FANCE: variants seen among roughly 807,000 people sequenced by gnomAD.
FANCE encodes FA complementation group E.
A neutral mutation model predicts 57.8 loss-of-function variants in FANCE; 42 were observed. The observed-to-expected ratio is 0.73, with a 90% CI of 0.57 to 0.94. The LOEUF is 0.94. FANCE is among the 40% of genes least tolerant of loss of function. The pLI is 0.00. For synonymous variants in FANCE, 251 were observed against 286.4 expected, an observed-to-expected ratio of 0.88 and a Z score of 1.25; for missense variants, 608 against 661.8, an observed-to-expected ratio of 0.92 and a Z score of 0.89.
rs1036490024 is a variant in FANCE at position 35,456,244 on chromosome 6, C to T, written c.746C>T (p.Ser249Phe). The change falls in exon 2 of 10, where the codon TCT becomes TTT. Residue 249 changes from serine to phenylalanine, a missense_variant. By Grantham distance (155) the Ser-to-Phe change is radical. Coordinates refer to ENST00000229769, the MANE Select transcript of FANCE (RefSeq NM_021922.3). The surrounding 1 kb of genome is among the most constrained non-coding windows in gnomAD (Gnocchi z 4.3). ...TCCCTGGCAGATGGAGGAAGTGCATCTCCTATTAAGGACCAGCCTGTCATG... is the reference window on the plus strand; with the variant it reads ...TCCCTGGCAGATGGAGGAAGTGCATTTCCTATTAAGGACCAGCCTGTCATG... ...LESLADGGSA[S>F]PIKDQPVMAV... The T allele has an allele frequency of 3.1e-6, 5 of 1,614,082 alleles. No homozygotes were observed. The highest frequency in any genetic ancestry group is 4.2e-6 in the Non-Finnish European group (5 of 1,180,046).
In FANCE at chr6:35,459,337, T is replaced by C. The variant is rs113175592; in HGVS notation, c.1120T>C (p.Ser374Pro). The C allele has an allele frequency of 6.2e-7, 1 of 1,614,116 alleles. No homozygotes were observed. ...TCCTCCCTGTTGGCTGTAGATCCTC[T>C]CCTTGACTTCCTCAGCCTCCCGCCT... The part of the protein sequence containing the change: ...TRSLFLGRIL[S>P]LTSSASRLLT... Residue 374 changes from serine (S) to proline (P), a missense_variant, in exon 6 of 10, where the codon TCC becomes CCC. Coordinates refer to ENST00000229769, the MANE Select transcript of FANCE (RefSeq NM_021922.3).
At chr6:35,465,891 A>G (rs1173686540) in intron 9 of FANCE, among the ~76,000 whole-genome samples, 1 of 152,208 alleles carries the variant, frequency 6.6e-6, no homozygotes, top group Non-Finnish European at 1.5e-5. Flanking sequence ...TGTGAACCTC[A>G]GTTTTCTCCT....
intron 1 of FANCE, 61 bp downstream of exon 1, chr6:35,452,854 A>G (rs1366698961): frequency 7.1e-6 from 9 of 1,262,564 alleles, no homozygotes; most frequent in South Asian, 2.7e-5. Context: ...CGGGGGAACG[A>G]CACACACAGA....
At chr6:35,460,035 T>G (rs1203681098) in intron 7 of FANCE, among the ~76,000 whole-genome samples, 4 of 150,682 alleles carry the variant, frequency 2.7e-5, no homozygotes, top group Admixed American at 6.7e-5. Flanking sequence ...GTGACCTCCC[T>G]GGCAGTTGTA....
Position 35,459,736 on chromosome 6 carries a change from CA to C in FANCE, c.1293del (p.Asp432MetfsTer5). On this transcript the variant is annotated frameshift_variant, in exon 7 of 10. Transcript: ENST00000229769. LOFTEE classifies it high-confidence loss of function. ...CCLVKMESLE[P>X]DAQVLMLGQI... ...CTTGTGAAGATGGAGTCCCTGGAGC[CA>C]GATGCACAGGTTCTAATGCTGGGGT... 6.2e-7 allele frequency: 1 copy of C among 1,614,192 alleles called. No individual in the cohort carries two copies. Among genetic ancestry groups the C allele is most frequent in the Non-Finnish European group, 8.5e-7 (1 of 1,180,036 alleles).
At position 35,459,441 on chromosome 6, in the gene FANCE, G is replaced by A. The variant is rs2150896674; in HGVS notation, c.1224G>A (p.Gln408=). Residue 408 remains glutamine, a synonymous_variant, in exon 6 of 10, where the codon CAG becomes CAA. Transcript: ENST00000229769. The part of the protein sequence containing the change: ...VCSALLDPVL[Q]APGTGPAQTE... ...GCGCCCTCCTTGACCCTGTGCTCCA[G>A]GCCCCAGGCACAGGTAATTCTGGAA... 6.2e-7 allele frequency: 1 copy of A among 1,614,038 alleles called. No individual in the cohort carries two copies. Among genetic ancestry groups the A allele is most frequent in the Non-Finnish European group, 8.5e-7 (1 of 1,180,018 alleles).
intron 5 of FANCE, 71 bp downstream of exon 5, chr6:35,458,511 G>C (rs1336826622): frequency 7.0e-6 from 11 of 1,571,388 alleles, no homozygotes; most frequent in Middle Eastern, 1.7e-4. Context: ...CAGAAGGGTG[G>C]TACTTGAGAG....
At chr6:35,465,026 G>A (rs538987315) in intron 9 of FANCE, among the ~76,000 whole-genome samples, 217 of 152,138 alleles carry the variant, frequency 1.4e-3, no homozygotes, top group African/African-American at 5.0e-3. Flanking sequence ...GAGCCACCGC[G>A]CCTGGCCTGA....
At chr6:35,458,228 C>T (rs1581702524) in intron 4 of FANCE, 69 bp from the exon 5 acceptor site, 50 of 1,591,596 alleles carry the variant, frequency 3.1e-5, no homozygotes, top group Admixed American at 6.7e-5. Context: ...TGTCCAGTTG[C>T]TTGAGACAGC....
chr6:35,454,264 A>C (rs1581697928), intron 1 of FANCE, among the ~76,000 whole-genome samples: 1 of 151,778 alleles, frequency 6.6e-6, no homozygotes, highest in African/African-American at 2.4e-5. Context: ...GTTTCACCAT[A>C]TTGGCTGGGC....
chr6:35,455,743 C>A lies in FANCE; in HGVS notation c.249-4C>A, dbSNP rs2150889768. The A allele has an allele frequency of 6.2e-7, 1 of 1,613,816 alleles. No homozygotes were observed. The highest frequency in any genetic ancestry group is 8.5e-7 in the Non-Finnish European group (1 of 1,180,044). On this transcript the variant is annotated splice_polypyrimidine_tract_variant and splice_region_variant and intron_variant, in intron 1 of 9. Transcript: ENST00000229769. The stretch of plus-strand genomic sequence containing the variant: ...TAACTGCTTGCTCTCCCTCTGCTAC[C>A]CAGGAAACCACTGTTGCTGCGATTG...
intron 1 of FANCE, among the ~76,000 whole-genome samples, chr6:35,455,392 C>G (rs1211470051): frequency 6.6e-6 from 1 of 151,968 alleles, no homozygotes; most frequent in Non-Finnish European, 1.5e-5. Flanking sequence ...ACTGCAACCT[C>G]TGACTCCCGG....
chr6:35,465,411 A>G (rs988402874), intron 9 of FANCE, among the ~76,000 whole-genome samples: 2 of 151,828 alleles, frequency 1.3e-5, no homozygotes, highest in Non-Finnish European at 2.9e-5. Flanking sequence ...GCCTGACCTC[A>G]CATGATCCAC....
intron 9 of FANCE, among the ~76,000 whole-genome samples, chr6:35,463,855 G>A (rs1767693596): frequency 2.0e-5 from 3 of 152,060 alleles, no homozygotes; most frequent in African/African-American, 4.8e-5. Context: ...TAGTAGAGAC[G>A]GGGTTTCACT....
At chr6:35,460,771 G>A (rs1455861675) in intron 8 of FANCE, among the ~76,000 whole-genome samples, 153 bp downstream of exon 8, 2 of 152,170 alleles carry the variant, frequency 1.3e-5, no homozygotes, top group Non-Finnish European at 2.9e-5. Flanking sequence ...GAGAGCCCTG[G>A]GCCATGCAAA....
rs1457322229 is a variant in FANCE, at chr6:35,456,343, A to G, written c.845A>G (p.Lys282Arg). ...KGLAESLELP[K>R]AIQDQLPRLQ... ...CTGGCTGAGAGTTTGGAGTTGCCCA[A>G]AGCTATCCAGGTACTTTGGTAGGGA... The change falls in exon 2 of 10, where the codon AAA (lysine) becomes AGA (arginine). Residue 282 changes from lysine to arginine, a missense_variant. By Grantham distance (26) the Lys-to-Arg change is conservative (BLOSUM62 2). Coordinates refer to ENST00000229769, the MANE Select transcript of FANCE (RefSeq NM_021922.3). The surrounding 1 kb of genome is among the most constrained non-coding windows in gnomAD (Gnocchi z 4.3). 1 of 1,614,146 alleles carries G rather than the reference A, an allele frequency of 6.2e-7. No individual in the cohort carries two copies. Among genetic ancestry groups the G allele is most frequent in the Non-Finnish European group, 8.5e-7 (1 of 1,180,034 alleles).
chr6:35,459,485 G>T (rs768278916), intron 6 of FANCE, 31 bp downstream of exon 6: 2 of 1,613,598 alleles, frequency 1.2e-6, no homozygotes, highest in Admixed American at 3.3e-5. Context: ...AGGCCCAGTA[G>T]CTCTGCCCTC....
In FANCE at chr6:35,457,574, CAG is replaced by C. The variant is rs770107979; in HGVS notation, c.875_876del (p.Gln292ProfsTer20). The C allele has an allele frequency of 1.2e-6, 2 of 1,613,752 alleles. No homozygotes were observed. The highest frequency in any genetic ancestry group is 2.7e-5 in the African/African-American group (2 of 74,896). The stretch of plus-strand genomic sequence containing the variant: ...TCCACAGGACCAGCTTCCCAGGCTG[CAG>C]CAGCTGCTGAAGACCTTGGAGGAGG... ...KAIQDQLPRL[Q>X]QLLKTLEEGL... On this transcript the variant is annotated frameshift_variant, in exon 3 of 10. Transcript: ENST00000229769. LOFTEE classifies it high-confidence loss of function.
Position 35,455,901 on chromosome 6 carries a change from G to T in FANCE, c.403G>T (p.Ala135Ser), listed in dbSNP as rs1193577212. ...CCCTGACCCAGATGCCTGGCTCCGT[G>T]CCCTGGGGGAATTGCTGCGAAGGGA... Reference protein sequence around the residue: ...LAPDPDAWLRALGELLRRDLG... With the variant: ...LAPDPDAWLRSLGELLRRDLG... The change falls in exon 2 of 10, where the codon GCC (alanine) becomes TCC (serine). Residue 135 changes from alanine (A) to serine (S), a missense_variant. Coordinates refer to ENST00000229769, the MANE Select transcript of FANCE (RefSeq NM_021922.3). 4 of 1,614,062 alleles carry T rather than the reference G, an allele frequency of 2.5e-6. No homozygotes were observed. Among genetic ancestry groups the T allele is most frequent in the Non-Finnish European group, 3.4e-6 (4 of 1,180,038 alleles).
Sources: allele counts gnomAD v4.1 joint callset (sites outside exome capture counted in the v4.1 genomes callset), GRCh38; gene constraint gnomAD v4.1.1; non-coding constraint Gnocchi (gnomAD v3.1); transcripts MANE v1.5; gene names NCBI Gene and HGNC (gene_info 2026-07-23, HGNC 2026-07-21).